CDH13: variants seen among roughly 807,000 people sequenced by gnomAD.
CDH13 encodes the protein cadherin-13.
In CDH13, 24 loss-of-function variants were observed where a neutral mutation model predicts 63.8. That is an observed-to-expected ratio of 0.38 (90% CI 0.27 to 0.53). The LOEUF is 0.53. CDH13 is among the 20% of genes least tolerant of loss of function. The probability of loss-of-function intolerance (pLI) is 0.85; values close to 1 mark genes in which losing one functional copy is unlikely to be tolerated. For missense variants in CDH13, 1,049 were observed against 903.1 expected (o/e 1.16, Z -2.07); for synonymous variants, 503 against 355.3 (o/e 1.42, Z -4.67).
At chr16:82,840,577 T>C (rs2038964801) in intron 1 of CDH13, among the ~76,000 whole-genome samples, 1 of 147,308 alleles carries the variant, frequency 6.8e-6, no homozygotes, top group Non-Finnish European at 1.5e-5. Context: ...CCCAGCTACT[T>C]GGGTGGCTGA....
chr16:83,643,283 TAA>T lies in CDH13; in HGVS notation c.1102-27490_1102-27489del, dbSNP rs1195185794. On this transcript the variant is annotated intron_variant, in intron 8 of 13. Transcript: ENST00000567109. The stretch of plus-strand genomic sequence containing the variant: ...ATGTACCCTATAACTTAGAGTATAA[TAA>T]AAAAAAAAAAAAAAAAGAAAAAAAA... 1.0e-3 allele frequency among the ~76,000 whole-genome samples: 94 copies of T among 93,862 alleles called. 4 individuals carry two copies. The highest frequency in any genetic ancestry group is 1.6e-3 in the East Asian group (5 of 3,104). 61.6% of individuals were successfully genotyped at this position (93,862 alleles called of 152,430 possible). A position where few individuals can be genotyped will look rare whatever the true frequency, so the allele number is the denominator to read the frequency against.
intron 10 of CDH13, among the ~76,000 whole-genome samples, chr16:83,678,766 G>GGA (rs758950785): frequency 1.4e-3 from 208 of 152,252 alleles, no homozygotes; most frequent in Non-Finnish European, 2.3e-3. Flanking sequence ...GAGAGAGAAG[G>GGA]GAGCCACTCT....
intron 4 of CDH13, among the ~76,000 whole-genome samples, chr16:83,201,417 G>A (rs773115406): frequency 2.0e-5 from 3 of 149,726 alleles, no homozygotes; most frequent in Non-Finnish European, 4.4e-5. Context: ...CAATAAGGTG[G>A]CCAGGGAAGT....
chr16:83,161,290 G>T (rs1203648732), intron 4 of CDH13, among the ~76,000 whole-genome samples: 1 of 152,134 alleles, frequency 6.6e-6, no homozygotes, highest in Non-Finnish European at 1.5e-5. Flanking sequence ...AGCACTTTGG[G>T]AGGCTAAGTT....
Position 82,815,177 on chromosome 16 carries a change from C to T in CDH13, c.46-43185C>T, listed in dbSNP as rs372288655. Among the ~76,000 whole-genome samples, 307 of 152,222 alleles carry T rather than the reference C, an allele frequency of 2.0e-3. 2 individuals carry two copies. Among genetic ancestry groups the T allele is most frequent in the African/African-American group, 6.6e-3 (276 of 41,534 alleles). On this transcript the variant is annotated intron_variant, in intron 1 of 13. Transcript: ENST00000567109. ...AAAGTACTGCATGGTTAGCAGACAG[C>T]TCTGTAGGGAGTCGGAACAGCCACG... is the stretch of plus-strand genomic sequence containing the variant.
intron 2 of CDH13, among the ~76,000 whole-genome samples, chr16:82,977,427 C>T (rs772153426): frequency 6.6e-6 from 1 of 152,168 alleles, no homozygotes; most frequent in Non-Finnish European, 1.5e-5. Context: ...CCCATAATCC[C>T]CACGTGTAAT....
At chr16:83,158,096 CAG>C (rs932387816) in intron 4 of CDH13, among the ~76,000 whole-genome samples, 1 of 152,076 alleles carries the variant, frequency 6.6e-6, no homozygotes, top group Non-Finnish European at 1.5e-5. Context: ...TTCCCTGTCT[CAG>C]GCACTGAGCT....
intron 10 of CDH13, among the ~76,000 whole-genome samples, chr16:83,727,926 G>T (rs1457658119): frequency 6.6e-6 from 1 of 152,200 alleles, no homozygotes; most frequent in Admixed American, 6.5e-5. Flanking sequence ...GGATTCAAGG[G>T]TTTAAGTATC....
chr16:83,061,912 C>CT (rs2031588137), intron 3 of CDH13, among the ~76,000 whole-genome samples: 1 of 152,178 alleles, frequency 6.6e-6, no homozygotes, highest in Non-Finnish European at 1.5e-5. Flanking sequence ...AGATGCTTAC[C>CT]TGAAGGAGAG....
At chr16:83,263,455 T>C (rs142326040) in intron 5 of CDH13, among the ~76,000 whole-genome samples, 1 of 152,174 alleles carries the variant, frequency 6.6e-6, no homozygotes, top group Non-Finnish European at 1.5e-5. Flanking sequence ...TGCAGAGATC[T>C]ACCAACCACA....
chr16:82,669,708 C>T (rs1348375003), intron 1 of CDH13, among the ~76,000 whole-genome samples: 1 of 152,210 alleles, frequency 6.6e-6, no homozygotes, highest in Non-Finnish European at 1.5e-5. Context: ...CAACTGTGCC[C>T]TCTAGAATGT....
chr16:83,356,212 A>ATGTGTG (rs10525181), intron 6 of CDH13, among the ~76,000 whole-genome samples: 1,696 of 138,602 alleles, frequency 0.012, 25 homozygotes, highest in East Asian at 0.087. Context: ...ATTTATTTTC[A>ATGTGTG]TGTGTGTGTG....
intron 5 of CDH13, among the ~76,000 whole-genome samples, chr16:83,338,884 C>T (rs76467360): frequency 0.017 from 2,614 of 152,300 alleles, 26 homozygotes; most frequent in South Asian, 0.051. Flanking sequence ...TACAGAAAGA[C>T]TTGTCAAAGC....
At chr16:83,301,779 A>G (rs901647429) in intron 5 of CDH13, among the ~76,000 whole-genome samples, 1 of 150,402 alleles carries the variant, frequency 6.6e-6, no homozygotes. Context: ...ATTTCCTGTA[A>G]TTTTTTTTTC....
chr16:82,704,328 A>T (rs1023063063), intron 1 of CDH13, among the ~76,000 whole-genome samples: 1 of 152,164 alleles, frequency 6.6e-6, no homozygotes, highest in African/African-American at 2.4e-5. Context: ...GGCTGTGTCC[A>T]CCCGGATTGC....
At chr16:82,796,195 G>A (rs910815931) in intron 1 of CDH13, among the ~76,000 whole-genome samples, 3 of 152,082 alleles carry the variant, frequency 2.0e-5, no homozygotes, top group Non-Finnish European at 4.4e-5. Flanking sequence ...GCAAAGCTGG[G>A]TGAACTCAAT....
At chr16:83,177,638 C>G (rs1168599158) in intron 4 of CDH13, among the ~76,000 whole-genome samples, 2 of 152,132 alleles carry the variant, frequency 1.3e-5, no homozygotes, top group Non-Finnish European at 2.9e-5. Flanking sequence ...ACTCTTGCCT[C>G]CAACATTGTA....
intron 6 of CDH13, among the ~76,000 whole-genome samples, chr16:83,421,408 T>C (rs2071709825): frequency 6.6e-6 from 1 of 152,242 alleles, no homozygotes; most frequent in Non-Finnish European, 1.5e-5. Flanking sequence ...ATCATAATAT[T>C]ATGAATCTTA....
chr16:82,725,629 G>A (rs2033051185), intron 1 of CDH13, among the ~76,000 whole-genome samples: 2 of 152,176 alleles, frequency 1.3e-5, no homozygotes, highest in Admixed American at 6.6e-5. Context: ...AAATTAAGAG[G>A]TGCCTTCAAC....
Sources: gnomAD v4.1 joint callset for allele counts (sites outside exome capture counted in the v4.1 genomes callset) on GRCh38, gnomAD v4.1.1 for gene constraint, MANE v1.5 for transcripts, NCBI Gene and HGNC (gene_info 2026-07-23, HGNC 2026-07-21) for gene names.